Variants in VPS13B observed in about 807,000 individuals in gnomAD.
VPS13B encodes vacuolar protein sorting 13 homolog B.
Under a neutral mutation model 426.4 loss-of-function variants are expected in VPS13B, and 285 were observed. That is an observed-to-expected ratio of 0.67 (90% confidence interval 0.61 to 0.74). The LOEUF is 0.74. VPS13B is among the 30% of genes least tolerant of loss of function. The pLI, the probability that VPS13B is intolerant of heterozygous loss-of-function variation, is 0.00. For synonymous variants in VPS13B, 1,676 were observed against 1,676.4 expected, an observed-to-expected ratio of 1.00 and a Z score of 0.01; for missense variants, 4,537 against 4,782.6, an observed-to-expected ratio of 0.95 and a Z score of 1.51.
At chr8:99,417,291 G>C (rs942955707) in intron 21 of VPS13B, among the ~76,000 whole-genome samples, 1 of 152,052 alleles carries the variant, frequency 6.6e-6, no homozygotes, top group Non-Finnish European at 1.5e-5. Flanking sequence ...CTATTGAAAG[G>C]CGAACATAAA....
chr8:99,529,865 A>G (rs546588285), intron 30 of VPS13B, among the ~76,000 whole-genome samples: 106 of 152,312 alleles, frequency 7.0e-4, no homozygotes, highest in Non-Finnish European at 1.2e-3. Flanking sequence ...TTTTAATGCA[A>G]AATGTATCTT....
At chr8:99,090,600 C>T (rs534566856) in intron 3 of VPS13B, among the ~76,000 whole-genome samples, 1 of 152,192 alleles carries the variant, frequency 6.6e-6, no homozygotes, top group African/African-American at 2.4e-5. Flanking sequence ...TTAGTGTTTA[C>T]ATAGGTTTTG....
intron 17 of VPS13B, among the ~76,000 whole-genome samples, chr8:99,216,948 C>G (rs1815423790): frequency 6.6e-6 from 1 of 151,978 alleles, no homozygotes; most frequent in South Asian, 2.1e-4. Context: ...TGTGGTCCTA[C>G]AAATTTAAAC....
chr8:99,641,674 AT>A (rs1829368509), intron 33 of VPS13B, 136 bp from the exon 34 acceptor site: 1 of 822,200 alleles, frequency 1.2e-6, no homozygotes, highest in Non-Finnish European at 1.8e-6. Context: ...CACCTATTCT[AT>A]TTTTCTGATT....
intron 41 of VPS13B, among the ~76,000 whole-genome samples, 170 bp from the exon 42 acceptor site, chr8:99,778,512 A>G (rs761113476): frequency 7.2e-5 from 11 of 152,212 alleles, no homozygotes; most frequent in Non-Finnish European, 1.6e-4. Context: ...CAAATATCAA[A>G]TGGGAATCCA....
At chr8:99,385,303 T>C (rs1407410111) in intron 20 of VPS13B, among the ~76,000 whole-genome samples, 3 of 152,226 alleles carry the variant, frequency 2.0e-5, no homozygotes, top group Non-Finnish European at 4.4e-5. Flanking sequence ...TATTGAATTA[T>C]AATTTCCCAT....
At chr8:99,868,885 G>A (rs1488373337) in intron 59 of VPS13B, among the ~76,000 whole-genome samples, 1 of 152,174 alleles carries the variant, frequency 6.6e-6, no homozygotes, top group East Asian at 1.9e-4. Context: ...TTTGGGTGTG[G>A]GTGGCCTTCT....
chr8:99,511,057 A>G (rs1821765707), intron 28 of VPS13B, 47 bp from the exon 29 acceptor site: 2 of 1,602,724 alleles, frequency 1.2e-6, no homozygotes, highest in East Asian at 2.2e-5. Context: ...TTTTAAAAAA[A>G]ATCTTTTTAA....
intron 33 of VPS13B, among the ~76,000 whole-genome samples, chr8:99,594,305 A>C (rs115598882): frequency 6.6e-6 from 1 of 152,014 alleles, no homozygotes; most frequent in African/African-American, 2.4e-5. Flanking sequence ...TGTTACTTTA[A>C]TTCATGTGAG....
rs190337408 is a variant in VPS13B, at chr8:99,292,265, A to G, written c.2824+17011A>G. 1.4e-3 allele frequency among the ~76,000 whole-genome samples: 213 copies of G among 152,298 alleles called. 1 individual carries two copies. Among genetic ancestry groups the G allele is most frequent in the Non-Finnish European group, 1.6e-3 (110 of 68,008 alleles). On this transcript the variant is annotated intron_variant, in intron 19 of 61. Transcript: ENST00000357162. Reference sequence around the variant, plus strand: ...GATGACTTAACACAACTGTTGATGCATTTAGAGTGAAACATCTTTATCAAG... The same window carrying G: ...GATGACTTAACACAACTGTTGATGCGTTTAGAGTGAAACATCTTTATCAAG...
intron 16 of VPS13B, among the ~76,000 whole-genome samples, chr8:99,192,035 A>AT (rs971128269): frequency 1.3e-5 from 2 of 151,876 alleles, no homozygotes; most frequent in African/African-American, 4.8e-5. Context: ...TAGCATCCTG[A>AT]TTTTTTTTAA....
At chr8:99,577,675 C>A in intron 33 of VPS13B, 42 bp downstream of exon 33, 1 of 1,609,968 alleles carries the variant, frequency 6.2e-7, no homozygotes, top group South Asian at 1.1e-5. Context: ...TGCATTTGTT[C>A]CAACTTTACA....
chr8:99,282,013 G>A (rs945199895), intron 19 of VPS13B, among the ~76,000 whole-genome samples: 1 of 151,788 alleles, frequency 6.6e-6, no homozygotes, highest in African/African-American at 2.4e-5. Context: ...TTTTAGTGGT[G>A]CCTAACACAT....
intron 35 of VPS13B, among the ~76,000 whole-genome samples, chr8:99,674,929 C>T (rs1588613303): frequency 1.3e-5 from 2 of 151,830 alleles, no homozygotes; most frequent in South Asian, 4.2e-4. Context: ...AAATTAGTGT[C>T]ATTAATATTT....
At chr8:99,788,605 G>A (rs1455854531) in intron 43 of VPS13B, among the ~76,000 whole-genome samples, 1 of 152,116 alleles carries the variant, frequency 6.6e-6, no homozygotes, top group Non-Finnish European at 1.5e-5. Flanking sequence ...ACTCAACTCT[G>A]TGTAAAATCA....
At chr8:99,452,009 G>A (rs1303890065) in intron 23 of VPS13B, among the ~76,000 whole-genome samples, 5 of 151,812 alleles carry the variant, frequency 3.3e-5, no homozygotes, top group African/African-American at 4.8e-5. Flanking sequence ...TTATTTTTGC[G>A]TGCAATCCTT....
chr8:99,060,357 C>T (rs939105692), intron 3 of VPS13B, among the ~76,000 whole-genome samples: 6 of 152,094 alleles, frequency 3.9e-5, no homozygotes, highest in Non-Finnish European at 7.4e-5. Context: ...CCATGTAATT[C>T]CAGCACTTTG....
rs386413466 is a variant in VPS13B, at chr8:99,737,106, C to CTTTTTTTTTTTTTTTTT, written c.7050+16075_7050+16091dup. Among the ~76,000 whole-genome samples the CTTTTTTTTTTTTTTTTT allele has an allele frequency of 6.8e-5, 3 of 44,374 alleles. 1 individual carries two copies. Among genetic ancestry groups the CTTTTTTTTTTTTTTTTT allele is most frequent in the Non-Finnish European group, 1.2e-4 (3 of 25,012 alleles). The allele number at this position is 44,374 out of a possible 152,430, so 29.1% of individuals were successfully genotyped here. A position where few individuals can be genotyped will look rare whatever the true frequency, so the allele number is the denominator to read the frequency against. ...CAGGAAAGCCTTTGAAGATGTCCTTCTTTTTTTTTTTTTTTTTTTTTTTTT... is the reference window on the plus strand; with the variant it reads ...CAGGAAAGCCTTTGAAGATGTCCTTCTTTTTTTTTTTTTTTTTTTTTTTTTTTTTTTTTTTTTTTTTT... On this transcript the variant is annotated intron_variant, in intron 39 of 61. Transcript: ENST00000357162.
At chr8:99,731,395 A>T (rs1833593825) in intron 39 of VPS13B, among the ~76,000 whole-genome samples, 1 of 152,208 alleles carries the variant, frequency 6.6e-6, no homozygotes, top group South Asian at 2.1e-4. Context: ...TAATTTTCCC[A>T]AGATCATAAA....
Sources: allele counts gnomAD v4.1 joint callset (sites outside exome capture counted in the v4.1 genomes callset), GRCh38; gene constraint gnomAD v4.1.1; transcripts MANE v1.5; gene names NCBI Gene and HGNC (gene_info 2026-07-23, HGNC 2026-07-21).